COPG2: variants seen among roughly 807,000 people sequenced by gnomAD.
The protein encoded by COPG2 is coatomer subunit gamma-2.
Under a neutral mutation model 46.3 loss-of-function variants are expected in COPG2, and 37 were observed. The ratio of observed to expected loss-of-function variants is 0.80; its 90% CI spans 0.61 to 1.05. The LOEUF is 1.05. COPG2 is among the 50% of genes least tolerant of loss of function. The pLI is 0.00. For missense variants in COPG2, 427 were observed against 387.8 expected, an observed-to-expected ratio of 1.10 and a Z score of -0.85; for synonymous variants, 159 against 129.7, an observed-to-expected ratio of 1.23 and a Z score of -1.53.
chr7:130,537,247 T>C (rs1445698444), intron 20 of COPG2, among the ~76,000 whole-genome samples: 2 of 150,744 alleles, frequency 1.3e-5, no homozygotes, highest in African/African-American at 4.9e-5. Flanking sequence ...ATCAGGAAGG[T>C]TTAGGGGAGT....
At chr7:130,655,091 C>T (rs945334625) in intron 4 of COPG2, among the ~76,000 whole-genome samples, 1 of 152,082 alleles carries the variant, frequency 6.6e-6, no homozygotes, top group Non-Finnish European at 1.5e-5. Context: ...TTTGTGTCTG[C>T]TGATCCATTT....
intron 5 of COPG2, among the ~76,000 whole-genome samples, chr7:130,635,651 C>A (rs898171839): frequency 6.6e-5 from 10 of 152,140 alleles, no homozygotes; most frequent in Non-Finnish European, 1.3e-4. Context: ...TTTCAAAAAA[C>A]CAGCTCCTGG....
chr7:130,639,644 T>C (rs189359423), intron 5 of COPG2, among the ~76,000 whole-genome samples: 27 of 152,346 alleles, frequency 1.8e-4, no homozygotes, highest in Admixed American at 3.9e-4. Context: ...TAGTTTCAGA[T>C]TACAAGTTCT....
chr7:130,562,450 T>A (rs1461366711), intron 11 of COPG2, among the ~76,000 whole-genome samples: 3 of 152,238 alleles, frequency 2.0e-5, no homozygotes, highest in African/African-American at 7.2e-5. Context: ...TCTTCGACTG[T>A]TTACACAATT....
chr7:130,541,731 C>T (rs1437773190), intron 20 of COPG2, among the ~76,000 whole-genome samples: 1 of 149,374 alleles, frequency 6.7e-6, no homozygotes, highest in Non-Finnish European at 1.5e-5. Flanking sequence ...GCCACTGGGA[C>T]GTGAGCTTGG....
At chr7:130,530,841 C>T (rs895149585) in intron 20 of COPG2, among the ~76,000 whole-genome samples, 22 of 151,618 alleles carry the variant, frequency 1.5e-4, no homozygotes, top group Middle Eastern at 6.8e-3. Context: ...AGGACAGCCA[C>T]AGGTGGAGTG....
At chr7:130,607,801 C>G (rs1794763164) in intron 9 of COPG2, 1 of 519,842 alleles carries the variant, frequency 1.9e-6, no homozygotes, top group South Asian at 1.4e-5. Flanking sequence ...TTCTGTCATC[C>G]TACACTGAGG....
chr7:130,507,462 AGGGTTTGTTGGTGAAG>A lies in COPG2; in HGVS notation c.2387-106_2387-91del, dbSNP rs1277276901. The A allele has an allele frequency of 4.5e-5, 34 of 754,676 alleles. 1 individual carries two copies. The highest frequency in any genetic ancestry group is 4.1e-4 in the South Asian group (29 of 70,330). The allele number at this position is 754,676 out of a possible 1,614,324, so 46.7% of individuals were successfully genotyped here. A position where few individuals can be genotyped will look rare whatever the true frequency, so the allele number is the denominator to read the frequency against. On this transcript the variant is annotated intron_variant, in intron 22 of 23. Transcript: ENST00000425248. ...AGTGTATGCTGGGAGCTGGGGTGGA[AGGGTTTGTTGGTGAAG>A]GGGGTTGTTGGTGATGTGTAGAGGG...
chr7:130,533,445 G>A (rs936036854), intron 20 of COPG2, among the ~76,000 whole-genome samples: 19 of 151,884 alleles, frequency 1.3e-4, no homozygotes, highest in Non-Finnish European at 5.9e-5. Context: ...CAAAGAATGA[G>A]GGAGAGGTGG....
At chr7:130,664,523 G>A (rs550403991) in intron 3 of COPG2, among the ~76,000 whole-genome samples, 3 of 152,262 alleles carry the variant, frequency 2.0e-5, no homozygotes, top group East Asian at 3.9e-4. Context: ...AACTCTCATA[G>A]AAATTCAAAA....
chr7:130,612,390 G>C (rs1794868171), intron 7 of COPG2, among the ~76,000 whole-genome samples, 152 bp from the exon 8 acceptor site: 1 of 152,162 alleles, frequency 6.6e-6, no homozygotes, highest in Non-Finnish European at 1.5e-5. Flanking sequence ...TTTACTCCTG[G>C]AGCAACTGAT....
chr7:130,506,780 A>G lies in COPG2; in HGVS notation c.2512T>C (p.Leu838=). 1 of 780,092 alleles carries G rather than the reference A, an allele frequency of 1.3e-6. No individual in the cohort carries two copies. Among genetic ancestry groups the G allele is most frequent in the Non-Finnish European group, 2.4e-6 (1 of 417,554 alleles). 48.3% of individuals were successfully genotyped at this position (780,092 alleles called of 1,614,324 possible). Residue 838 remains leucine, a synonymous_variant, in exon 24 of 24, where the codon TTG becomes CTG. Coordinates refer to ENST00000425248, the MANE Select transcript of COPG2 (RefSeq NM_012133.6). The stretch of plus-strand genomic sequence containing the variant: ...GCTAAGGCCAGCCTGGACCTCACCA[A>G]TAAATCATAGCCACCTCTGAATATA... ...AGIFRGGYDL[L]VRSRLALADG... is the part of the protein sequence containing the mutation.
chr7:130,564,213 G>C (rs922612290), intron 10 of COPG2, 47 bp downstream of exon 10: 13 of 398,390 alleles, frequency 3.3e-5, no homozygotes, highest in African/African-American at 2.5e-4. Flanking sequence ...GAAACTTAAA[G>C]CAAAAACTTA....
chr7:130,623,757 G>T (rs1216402845), intron 5 of COPG2, among the ~76,000 whole-genome samples: 1 of 152,100 alleles, frequency 6.6e-6, no homozygotes, highest in Non-Finnish European at 1.5e-5. Flanking sequence ...AGGCTGAGGT[G>T]GGAGGATTGC....
At chr7:130,668,483 C>G in intron 1 of COPG2, 149 bp downstream of exon 1, 1 of 537,172 alleles carries the variant, frequency 1.9e-6, no homozygotes, top group Admixed American at 4.8e-5. Flanking sequence ...CGGGCAGCCG[C>G]GAGGGGAGGG....
chr7:130,665,139 C>A (rs1390602284), intron 3 of COPG2, among the ~76,000 whole-genome samples: 3 of 152,120 alleles, frequency 2.0e-5, no homozygotes, highest in African/African-American at 7.2e-5. Flanking sequence ...CGAGATTGCG[C>A]CACTGCACTC....
intron 12 of COPG2, among the ~76,000 whole-genome samples, chr7:130,558,577 G>A (rs1468137139): frequency 6.6e-6 from 1 of 152,192 alleles, no homozygotes; most frequent in Non-Finnish European, 1.5e-5. Flanking sequence ...AGGACAGAGT[G>A]CAATATGATC....
chr7:130,532,828 G>A (rs1263612707), intron 20 of COPG2, among the ~76,000 whole-genome samples: 2 of 152,168 alleles, frequency 1.3e-5, no homozygotes, highest in Non-Finnish European at 1.5e-5. Flanking sequence ...AGAGATGACT[G>A]CATCTGGTGG....
chr7:130,621,943 C>CA (rs562107230), intron 5 of COPG2, among the ~76,000 whole-genome samples: 1,773 of 66,416 alleles, frequency 0.027, 30 homozygotes, highest in East Asian at 0.037. Flanking sequence ...GACTCCATCT[C>CA]AAAAAAAAAA....
Sources: gnomAD v4.1 joint callset for allele counts (sites outside exome capture counted in the v4.1 genomes callset) on GRCh38, gnomAD v4.1.1 for gene constraint, MANE v1.5 for transcripts, NCBI Gene and HGNC (gene_info 2026-07-23, HGNC 2026-07-21) for gene names.